CUL5: variants seen among roughly 807,000 people sequenced by gnomAD.
The protein encoded by CUL5 is cullin 5.
In CUL5, 26 loss-of-function variants were observed where a neutral mutation model predicts 108.8. That is an observed-to-expected ratio of 0.24 (90% CI 0.18 to 0.33). The LOEUF (loss-of-function observed/expected upper bound fraction) is 0.33, where lower values mean the gene tolerates loss of function less well. CUL5 is among the 10% of genes least tolerant of loss of function. The pLI is 1.00. For missense variants in CUL5, 524 were observed against 909.2 expected, an observed-to-expected ratio of 0.58 and a Z score of 5.45; for synonymous variants, 334 against 298.0, an observed-to-expected ratio of 1.12 and a Z score of -1.25.
At position 108,104,497 on chromosome 11, in the gene CUL5, A is replaced by G. The variant is rs1052608; in HGVS notation, c.*113A>G. ...TTGGACTTTGATTACATAAATATTA[A>G]AATCTCTGCCTTACCTTACAAAAAC... On this transcript the variant is annotated 3_prime_UTR_variant, in exon 19 of 19. Transcript: ENST00000393094. 1.5e-6 allele frequency: 1 copy of G among 660,136 alleles called. No individual in the cohort carries two copies. Among genetic ancestry groups the G allele is most frequent in the Non-Finnish European group, 2.5e-6 (1 of 398,540 alleles). The allele number at this position is 660,136 out of a possible 1,614,324, so 40.9% of individuals were successfully genotyped here.
At chr11:108,098,300 T>C in intron 17 of CUL5, 106 bp from the exon 18 acceptor site, 2 of 1,016,312 alleles carry the variant, frequency 2.0e-6, no homozygotes, top group Non-Finnish European at 1.4e-6. Context: ...TAAACAGTTC[T>C]GATATTTTAG....
At chr11:108,089,070 G>C (rs1257493065) in intron 12 of CUL5, among the ~76,000 whole-genome samples, 1 of 151,852 alleles carries the variant, frequency 6.6e-6, no homozygotes, top group Non-Finnish European at 1.5e-5. Flanking sequence ...CCAGTTGTTA[G>C]TGTAATGATG....
chr11:108,066,643 C>T (rs1331829270), intron 7 of CUL5, among the ~76,000 whole-genome samples: 3 of 152,098 alleles, frequency 2.0e-5, no homozygotes, highest in East Asian at 1.9e-4. Context: ...TTTGAATTCC[C>T]GTGGTAACTA....
At chr11:108,068,183 G>A (rs1186967378) in intron 7 of CUL5, among the ~76,000 whole-genome samples, 5 of 152,150 alleles carry the variant, frequency 3.3e-5, no homozygotes, top group Non-Finnish European at 5.9e-5. Flanking sequence ...CTCCCAAAGT[G>A]CTGGGATTAT....
At chr11:108,035,158 C>T (rs1376084512) in intron 2 of CUL5, among the ~76,000 whole-genome samples, 2 of 152,164 alleles carry the variant, frequency 1.3e-5, no homozygotes, top group African/African-American at 2.4e-5. Flanking sequence ...AGTGAGACAT[C>T]TCAAGAAGGG....
intron 13 of CUL5, among the ~76,000 whole-genome samples, chr11:108,091,725 A>G (rs1382068605): frequency 6.6e-6 from 1 of 151,518 alleles, no homozygotes; most frequent in Non-Finnish European, 1.5e-5. Context: ...ACACACACAC[A>G]CACACACGAC....
At chr11:108,072,998 C>G (rs555291006) in intron 9 of CUL5, among the ~76,000 whole-genome samples, 1 of 151,846 alleles carries the variant, frequency 6.6e-6, no homozygotes, top group Non-Finnish European at 1.5e-5. Context: ...GTCAGGAGAT[C>G]GAGACTATCC....
chr11:108,060,552 CTGGCTGGATGCCG>C (rs1471973909), intron 7 of CUL5, among the ~76,000 whole-genome samples: 2 of 151,990 alleles, frequency 1.3e-5, no homozygotes, highest in African/African-American at 4.8e-5. Context: ...AAAGAAGAAT[CTGGCTGGATGCCG>C]TGGCCCACGC....
chr11:108,060,208 G>C (rs1451148127), intron 7 of CUL5, among the ~76,000 whole-genome samples: 1 of 151,996 alleles, frequency 6.6e-6, no homozygotes, highest in Non-Finnish European at 1.5e-5. Context: ...AAAAAATTAA[G>C]CTTGGTGTTC....
At chr11:108,074,942 G>A (rs1441794779) in intron 10 of CUL5, among the ~76,000 whole-genome samples, 2 of 152,224 alleles carry the variant, frequency 1.3e-5, no homozygotes, top group East Asian at 3.9e-4. Context: ...GCCAGATCAT[G>A]TAAGACTCTG....
chr11:108,028,078 T>A (rs962624907), intron 1 of CUL5, among the ~76,000 whole-genome samples: 3 of 152,230 alleles, frequency 2.0e-5, no homozygotes, highest in Non-Finnish European at 2.9e-5. Flanking sequence ...TAACAGGTTT[T>A]AAAACCCATC....
chr11:108,030,017 G>A (rs1323794205), intron 1 of CUL5, among the ~76,000 whole-genome samples: 1 of 152,134 alleles, frequency 6.6e-6, no homozygotes, highest in Non-Finnish European at 1.5e-5. Flanking sequence ...CAAGAAAAGT[G>A]TTCTTTCTAT....
At chr11:108,020,653 A>AT (rs939912538) in intron 1 of CUL5, among the ~76,000 whole-genome samples, 2 of 152,010 alleles carry the variant, frequency 1.3e-5, no homozygotes, top group African/African-American at 4.8e-5. Context: ...GAGGGCTAGG[A>AT]TTAGAGGCGT....
At chr11:108,048,640 T>G (rs1488427319) in intron 3 of CUL5, among the ~76,000 whole-genome samples, 1 of 143,220 alleles carries the variant, frequency 7.0e-6, no homozygotes, top group African/African-American at 2.8e-5. Flanking sequence ...GGAAATAGAC[T>G]CCACCACCTT....
chr11:108,105,196 AAAAC>A lies in CUL5; in HGVS notation c.*818_*821del, dbSNP rs1438855065. The A allele has an allele frequency of 6.6e-6, 1 of 152,220 alleles. No homozygotes were observed. Among genetic ancestry groups the A allele is most frequent in the Non-Finnish European group, 1.5e-5 (1 of 68,016 alleles). 9.4% of individuals were successfully genotyped at this position (152,220 alleles called of 1,614,324 possible). A position where few individuals can be genotyped will look rare whatever the true frequency, so the allele number is the denominator to read the frequency against. On this transcript the variant is annotated 3_prime_UTR_variant, in exon 19 of 19. Coordinates refer to ENST00000393094, the MANE Select transcript of CUL5 (RefSeq NM_003478.6). ...ATTATGATTGCAGAGCCAAAATAGC[AAAAC>A]AAACATATTAAGTGTGTTTACTAAA... is the stretch of plus-strand genomic sequence containing the variant.
At chr11:108,070,424 A>G (rs1388171043) in intron 8 of CUL5, among the ~76,000 whole-genome samples, 1 of 152,122 alleles carries the variant, frequency 6.6e-6, no homozygotes, top group Non-Finnish European at 1.5e-5. Flanking sequence ...GTGTATGTGT[A>G]TGGTGAATTT....
intron 4 of CUL5, among the ~76,000 whole-genome samples, chr11:108,051,494 A>T (rs529500261): frequency 6.6e-6 from 1 of 152,376 alleles, no homozygotes; most frequent in Non-Finnish European, 1.5e-5. Flanking sequence ...AATGAGTTAC[A>T]TGCAGACAAT....
At chr11:108,102,110 C>T (rs1864687545) in intron 18 of CUL5, among the ~76,000 whole-genome samples, 1 of 152,116 alleles carries the variant, frequency 6.6e-6, no homozygotes, top group Non-Finnish European at 1.5e-5. Flanking sequence ...CAACCTCCAC[C>T]TCCCAGGTTC....
intron 8 of CUL5, among the ~76,000 whole-genome samples, chr11:108,071,904 C>T (rs1863833681): frequency 6.6e-6 from 1 of 152,040 alleles, no homozygotes; most frequent in South Asian, 2.1e-4. Flanking sequence ...AGACTAAGTA[C>T]AGTGGCTCAT....
Sources: gnomAD v4.1 joint callset for allele counts (sites outside exome capture counted in the v4.1 genomes callset) on GRCh38, gnomAD v4.1.1 for gene constraint, MANE v1.5 for transcripts, NCBI Gene and HGNC (gene_info 2026-07-23, HGNC 2026-07-21) for gene names.